Variants in SMIM13 observed in about 807,000 individuals in gnomAD.
SMIM13 encodes UPF0766 protein C6orf228.
In SMIM13, 3 loss-of-function variants were observed where a neutral mutation model predicts 5.9. The ratio of observed to expected loss-of-function variants is 0.51; its 90% CI spans 0.23 to 1.31. The LOEUF is 1.31. SMIM13 is among the 40% of genes most tolerant of loss of function. The pLI is 0.18. For synonymous variants in SMIM13, 55 were observed against 46.0 expected, an observed-to-expected ratio of 1.19 and a Z score of -0.79; for missense variants, 85 against 109.9, an observed-to-expected ratio of 0.77 and a Z score of 1.01.
intron 1 of SMIM13, among the ~76,000 whole-genome samples, chr6:11,129,642 A>G (rs986601385): frequency 2.0e-5 from 3 of 151,940 alleles, no homozygotes; most frequent in African/African-American, 7.3e-5. Flanking sequence ...CAGTTAATAC[A>G]TGGATTTATT....
intron 1 of SMIM13, among the ~76,000 whole-genome samples, chr6:11,129,118 T>G (rs1425957110): frequency 6.6e-6 from 1 of 151,968 alleles, no homozygotes; most frequent in Non-Finnish European, 1.5e-5. Flanking sequence ...TTTGGCCATC[T>G]TCCTCTGCCT....
Position 11,094,209 on chromosome 6 carries a change from C to G in SMIM13, c.-105C>G. The stretch of plus-strand genomic sequence containing the variant: ...CCAGCCGCCCATGCCGCCCCGGCGC[C>G]CAGCCGCGCCTGGCGCCCGCCGCTG... On this transcript the variant is annotated 5_prime_UTR_variant, in exon 1 of 2. Transcript: ENST00000416247. The G allele has an allele frequency of 2.3e-6, 1 of 430,352 alleles. No individual in the cohort carries two copies. The highest frequency in any genetic ancestry group is 3.1e-6 in the Non-Finnish European group (1 of 320,966). 26.7% of individuals were successfully genotyped at this position (430,352 alleles called of 1,614,324 possible).
In SMIM13 at chr6:11,117,148, G is replaced by C. The variant is rs1459042650; in HGVS notation, c.77-17255G>C. Among the ~76,000 whole-genome samples, 4 of 145,968 alleles carry C rather than the reference G, an allele frequency of 2.7e-5. 1 individual carries two copies. Reference sequence around the variant, plus strand: ...TGGTACCGCAGGTGCCTGCCACCACGCCCGGCTAATTTTTGTATTTTTTTT... The same window carrying C: ...TGGTACCGCAGGTGCCTGCCACCACCCCCGGCTAATTTTTGTATTTTTTTT... On this transcript the variant is annotated intron_variant, in intron 1 of 1. Transcript: ENST00000416247.
intron 1 of SMIM13, chr6:11,105,016 C>G (rs758368739): frequency 1.7e-5 from 27 of 1,614,052 alleles, no homozygotes; most frequent in Non-Finnish European, 2.2e-5. Context: ...TCAGGGAAAT[C>G]TTGCTTTACT....
chr6:11,134,316 G>A, intron 1 of SMIM13, 87 bp from the exon 2 acceptor site: 2 of 870,460 alleles, frequency 2.3e-6, no homozygotes, highest in Non-Finnish European at 3.5e-6. Flanking sequence ...ATAGTATTTT[G>A]TAATATACCC....
chr6:11,096,690 G>T, intron 1 of SMIM13, among the ~76,000 whole-genome samples: 1 of 140,828 alleles, frequency 7.1e-6, no homozygotes, highest in East Asian at 1.9e-4. Context: ...TCTTTGTTTT[G>T]CTTTTTTTTT....
At chr6:11,098,069 A>G (rs1439006952) in intron 1 of SMIM13, among the ~76,000 whole-genome samples, 1 of 152,028 alleles carries the variant, frequency 6.6e-6, no homozygotes, top group Non-Finnish European at 1.5e-5. Flanking sequence ...CATTCAGTTC[A>G]ACAAACTGAA....
At chr6:11,104,907 G>A (rs1399947428) in intron 1 of SMIM13, 1 of 1,614,182 alleles carries the variant, frequency 6.2e-7, no homozygotes, top group South Asian at 1.1e-5. Context: ...GCCTACATTT[G>A]TTCCATTTTT....
chr6:11,115,257 C>A (rs1175410744), intron 1 of SMIM13, among the ~76,000 whole-genome samples: 2 of 152,204 alleles, frequency 1.3e-5, no homozygotes, highest in East Asian at 3.9e-4. Context: ...AGACAACGCA[C>A]AGTTATTAGA....
chr6:11,133,073 ACTATAGCTT>A (rs1478145765), intron 1 of SMIM13, among the ~76,000 whole-genome samples: 2 of 152,042 alleles, frequency 1.3e-5, no homozygotes, highest in Non-Finnish European at 2.9e-5. Flanking sequence ...TTCATTCCTC[ACTATAGCTT>A]TGTGAATATT....
At chr6:11,115,536 A>G (rs1429906159) in intron 1 of SMIM13, among the ~76,000 whole-genome samples, 1 of 152,184 alleles carries the variant, frequency 6.6e-6, no homozygotes, top group Admixed American at 6.5e-5. Context: ...CACCCAAGGT[A>G]ATTTCACTTT....
chr6:11,099,123 C>G (rs1030021417), intron 1 of SMIM13, among the ~76,000 whole-genome samples: 4 of 152,004 alleles, frequency 2.6e-5, no homozygotes, highest in Non-Finnish European at 5.9e-5. Flanking sequence ...GCTAATGACT[C>G]AAAAATTTGT....
At chr6:11,119,996 C>G (rs1015899599) in intron 1 of SMIM13, among the ~76,000 whole-genome samples, 1 of 152,108 alleles carries the variant, frequency 6.6e-6, no homozygotes, top group African/African-American at 2.4e-5. Context: ...AGGATTTGGA[C>G]ATACTGTCTC....
intron 1 of SMIM13, chr6:11,103,812 C>T: frequency 6.4e-7 from 1 of 1,551,514 alleles, no homozygotes; most frequent in Non-Finnish European, 8.7e-7. Context: ...GAGACATGGA[C>T]CAAAAAGGAG....
chr6:11,108,741 G>A (rs1301812118), intron 1 of SMIM13, among the ~76,000 whole-genome samples: 1 of 152,188 alleles, frequency 6.6e-6, no homozygotes, highest in Non-Finnish European at 1.5e-5. Flanking sequence ...CAGATGTCAG[G>A]CATAGGGGTA....
chr6:11,134,567 G>T lies in SMIM13; in HGVS notation c.241G>T (p.Ala81Ser), dbSNP rs1392543290. The change falls in exon 2 of 2, where the codon GCA becomes TCA. Residue 81 changes from alanine to serine, a missense_variant. Transcript: ENST00000416247. ...AATCAGATCCGCTCGCCAAAGGAGG[G>T]CACCTGCTGATGAAGGCCACAGACC... ...HRIRSARQRR[A>S]PADEGHRPLT The T allele has an allele frequency of 6.5e-6, 10 of 1,548,808 alleles. No homozygotes were observed. The highest frequency in any genetic ancestry group is 8.7e-6 in the Non-Finnish European group (10 of 1,145,522).
chr6:11,113,523 T>A (rs1758197363), intron 1 of SMIM13, among the ~76,000 whole-genome samples: 1 of 152,202 alleles, frequency 6.6e-6, no homozygotes, highest in African/African-American at 2.4e-5. Flanking sequence ...TTTTTTTGTT[T>A]GTTTTTATCA....
chr6:11,097,352 T>A (rs964114281), intron 1 of SMIM13, among the ~76,000 whole-genome samples: 1 of 152,058 alleles, frequency 6.6e-6, no homozygotes, highest in African/African-American at 2.4e-5. Flanking sequence ...CTTAATTACC[T>A]CTTTAAAAAT....
Position 11,132,409 on chromosome 6 carries a change from T to TA in SMIM13, c.77-1993dup, listed in dbSNP as rs1222074513. 3.9e-5 allele frequency among the ~76,000 whole-genome samples: 6 copies of TA among 152,276 alleles called. No homozygotes were observed. In the South Asian group the frequency reaches 1.0e-3, roughly 26 times the overall value. On this transcript the variant is annotated intron_variant, in intron 1 of 1. Transcript: ENST00000416247. ...ACCCAGCAATTCCCTTCTAGATAGA[T>TA]ACACCCGAGATAAATGAAAACATAT...
Sources: allele counts gnomAD v4.1 joint callset (sites outside exome capture counted in the v4.1 genomes callset), GRCh38; gene constraint gnomAD v4.1.1; transcripts MANE v1.5; gene names NCBI Gene and HGNC (gene_info 2026-07-23, HGNC 2026-07-21).